ATP10A: variants seen among roughly 807,000 people sequenced by gnomAD.
ATP10A encodes the protein ATPase phospholipid transporting 10A (putative).
A neutral mutation model predicts 147.8 loss-of-function variants in ATP10A; 111 were observed. The ratio of observed to expected loss-of-function variants is 0.75; its 90% CI spans 0.64 to 0.88. The LOEUF (loss-of-function observed/expected upper bound fraction) is 0.88, where lower values mean the gene tolerates loss of function less well. Among genes scored for constraint, ATP10A ranks in the 40% least tolerant of loss-of-function variants. The pLI is 0.00. For synonymous variants in ATP10A, 875 were observed against 841.6 expected (o/e 1.04, Z -0.69); for missense variants, 1,927 against 1,959.0 (o/e 0.98, Z 0.31).
intron 3 of ATP10A, among the ~76,000 whole-genome samples, chr15:25,733,813 C>T (rs1010124130): frequency 1.3e-5 from 2 of 152,238 alleles, no homozygotes; most frequent in Admixed American, 6.5e-5. Context: ...GAGGGCAAAG[C>T]AGGAAAGGAT....
chr15:25,680,774 G>A (rs371385307), intron 19 of ATP10A, 36 bp downstream of exon 19: 1 of 1,567,126 alleles, frequency 6.4e-7, no homozygotes, highest in African/African-American at 1.4e-5. Flanking sequence ...CGGCATCAGT[G>A]CTCTTCTGAG....
intron 1 of ATP10A, among the ~76,000 whole-genome samples, chr15:25,795,308 C>A (rs545695304): frequency 1.3e-5 from 2 of 152,104 alleles, no homozygotes; most frequent in South Asian, 2.1e-4. Context: ...CACAGGCCCA[C>A]GGAGGGAGGG....
intron 12 of ATP10A, among the ~76,000 whole-genome samples, chr15:25,702,677 G>A (rs1385385650): frequency 6.6e-6 from 1 of 151,822 alleles, no homozygotes; most frequent in Non-Finnish European, 1.5e-5. Context: ...TTGAGAGGCA[G>A]GTTTTGCCTT....
chr15:25,684,896 A>C, intron 16 of ATP10A, among the ~76,000 whole-genome samples: 1 of 151,992 alleles, frequency 6.6e-6, no homozygotes, highest in African/African-American at 2.4e-5. Context: ...CACAGCCTCC[A>C]AGTCCTGTGT....
intron 4 of ATP10A, 61 bp downstream of exon 4, chr15:25,727,099 G>T: frequency 8.3e-7 from 1 of 1,200,944 alleles, no homozygotes; most frequent in Non-Finnish European, 1.2e-6. Flanking sequence ...AAACAGTGAG[G>T]GGAAGTGCTG....
chr15:25,794,505 G>A (rs750799806), intron 1 of ATP10A, among the ~76,000 whole-genome samples: 1 of 152,114 alleles, frequency 6.6e-6, no homozygotes. Flanking sequence ...ACACTGCCCC[G>A]TCTTGGAAGA....
chr15:25,742,810 G>A (rs1000505384), intron 2 of ATP10A, among the ~76,000 whole-genome samples: 1 of 152,168 alleles, frequency 6.6e-6, no homozygotes, highest in African/African-American at 2.4e-5. Context: ...TTGCCCTCTT[G>A]AACGTATTTG....
chr15:25,840,849 C>T (rs768760500), intron 1 of ATP10A, among the ~76,000 whole-genome samples: 3 of 152,114 alleles, frequency 2.0e-5, no homozygotes, highest in East Asian at 3.9e-4. Context: ...CTGATAGATG[C>T]GCAGTGGTAT....
At chr15:25,727,387 G>T in intron 3 of ATP10A, 121 bp from the exon 4 acceptor site, 1 of 902,816 alleles carries the variant, frequency 1.1e-6, no homozygotes, top group Non-Finnish European at 1.7e-6. Context: ...CTGGGATCTG[G>T]ACTGGGAAGG....
chr15:25,787,885 C>T (rs1890243093), intron 1 of ATP10A, among the ~76,000 whole-genome samples: 1 of 152,130 alleles, frequency 6.6e-6, no homozygotes, highest in Non-Finnish European at 1.5e-5. Context: ...CTCACTGGTA[C>T]CACCTGCAGT....
chr15:25,821,403 A>C (rs942414622), intron 1 of ATP10A, among the ~76,000 whole-genome samples: 4 of 124,930 alleles, frequency 3.2e-5, no homozygotes, highest in East Asian at 2.1e-4. Context: ...AAAAAACAAA[A>C]AAAAAAACAA....
chr15:25,847,609 CTTTTTTTTTTTTTTTTTTTTTTT>C (rs34212354), intron 1 of ATP10A, among the ~76,000 whole-genome samples: 14 of 40,740 alleles, frequency 3.4e-4, no homozygotes, highest in South Asian at 2.5e-3. Context: ...CAGCTACAGC[CTTTTTTTTTTTTTTTTTTTTTTT>C]TTTTTTTTTT....
At chr15:25,813,903 A>G (rs971830158) in intron 1 of ATP10A, among the ~76,000 whole-genome samples, 7 of 152,140 alleles carry the variant, frequency 4.6e-5, no homozygotes, top group African/African-American at 1.7e-4. Context: ...CTATGGGACA[A>G]CTTCTAGTAG....
At chr15:25,761,318 A>T (rs754946679) in intron 2 of ATP10A, among the ~76,000 whole-genome samples, 11 of 152,250 alleles carry the variant, frequency 7.2e-5, no homozygotes, top group Non-Finnish European at 1.5e-4. Flanking sequence ...GCTAATAAAG[A>T]CATACCCGAG....
intron 1 of ATP10A, 144 bp from the exon 2 acceptor site, chr15:25,781,367 G>T: frequency 2.7e-6 from 2 of 750,980 alleles, no homozygotes; most frequent in Non-Finnish European, 4.3e-6. Flanking sequence ...GTTTTAAAAA[G>T]AATATTTGGC....
intron 14 of ATP10A, among the ~76,000 whole-genome samples, chr15:25,692,900 A>G (rs1900113205): frequency 6.6e-6 from 1 of 152,158 alleles, no homozygotes; most frequent in African/African-American, 2.4e-5. Context: ...TCCTGGGCTC[A>G]AGTGATCCTC....
chr15:25,812,981 C>T (rs1450278125), intron 1 of ATP10A, among the ~76,000 whole-genome samples: 1 of 152,178 alleles, frequency 6.6e-6, no homozygotes, highest in Non-Finnish European at 1.5e-5. Context: ...CTCTCTGTCC[C>T]AGTTCATCAT....
At chr15:25,842,407 C>G (rs1461531631) in intron 1 of ATP10A, among the ~76,000 whole-genome samples, 1 of 152,100 alleles carries the variant, frequency 6.6e-6, no homozygotes. Context: ...TAGTTTCCAG[C>G]GTCCTTTTAC....
intron 12 of ATP10A, among the ~76,000 whole-genome samples, chr15:25,704,156 T>C (rs1269724545): frequency 6.6e-6 from 1 of 152,236 alleles, no homozygotes; most frequent in East Asian, 1.9e-4. Context: ...GAGTGTCACT[T>C]GTACTATGAC....
Sources: allele counts gnomAD v4.1 joint callset (sites outside exome capture counted in the v4.1 genomes callset), GRCh38; gene constraint gnomAD v4.1.1; transcripts MANE v1.5; gene names NCBI Gene and HGNC (gene_info 2026-07-23, HGNC 2026-07-21).